Variants in VPS13B observed in about 807,000 individuals in gnomAD.
VPS13B encodes vacuolar protein sorting 13 homolog B.
In VPS13B, 285 loss-of-function variants were observed where a neutral mutation model predicts 426.4. The ratio of observed to expected loss-of-function variants is 0.67; its 90% CI spans 0.61 to 0.74. The LOEUF is 0.74. VPS13B is among the 30% of genes least tolerant of loss of function. VPS13B has a pLI of 0.00. For missense variants in VPS13B, 4,537 were observed against 4,782.6 expected (o/e 0.95, Z 1.51); for synonymous variants, 1,676 against 1,676.4 (o/e 1.00, Z 0.01).
At chr8:99,786,786 A>G (rs754833373) in intron 43 of VPS13B, among the ~76,000 whole-genome samples, 13 of 152,176 alleles carry the variant, frequency 8.5e-5, no homozygotes, top group South Asian at 2.1e-4. Context: ...TCTTCTTACT[A>G]TATTTCTGTA....
At chr8:99,490,360 C>A (rs1187647938) in intron 25 of VPS13B, among the ~76,000 whole-genome samples, 1 of 152,078 alleles carries the variant, frequency 6.6e-6, no homozygotes, top group African/African-American at 2.4e-5. Flanking sequence ...GTCTAAAATT[C>A]TCTTTCTTTG....
At chr8:99,335,367 T>C (rs4338069) in intron 19 of VPS13B, among the ~76,000 whole-genome samples, 108,729 of 151,812 alleles carry the variant, frequency 0.72, 39,961 homozygotes, top group South Asian at 0.87. Flanking sequence ...TCAGTTCTGC[T>C]CTGATTTTAG....
intron 19 of VPS13B, among the ~76,000 whole-genome samples, chr8:99,293,518 C>T (rs1303588096): frequency 8.7e-6 from 1 of 114,756 alleles, no homozygotes; most frequent in African/African-American, 3.4e-5. Context: ...AAAGCAATGG[C>T]AACAAAAGCC....
chr8:99,681,491 G>A (rs754107116), intron 35 of VPS13B, among the ~76,000 whole-genome samples: 1 of 152,188 alleles, frequency 6.6e-6, no homozygotes, highest in Non-Finnish European at 1.5e-5. Flanking sequence ...TGTATGCCCT[G>A]TATGGAAACA....
At chr8:99,129,903 C>G (rs1809686622) in intron 8 of VPS13B, among the ~76,000 whole-genome samples, 1 of 152,098 alleles carries the variant, frequency 6.6e-6, no homozygotes, top group African/African-American at 2.4e-5. Context: ...GTAGTCCTAA[C>G]TACTCCGGAA....
intron 32 of VPS13B, 109 bp from the exon 33 acceptor site, chr8:99,577,381 G>A: frequency 6.8e-7 from 1 of 1,477,396 alleles, no homozygotes. Flanking sequence ...ATGAACTTGA[G>A]TCCTAGGAAA....
chr8:99,790,094 G>A (rs76208741), intron 43 of VPS13B, among the ~76,000 whole-genome samples: 1 of 152,020 alleles, frequency 6.6e-6, no homozygotes, highest in Non-Finnish European at 1.5e-5. Flanking sequence ...TATATCAAGA[G>A]TGATTATCTT....
At chr8:99,500,015 G>A (rs1200022580) in intron 25 of VPS13B, among the ~76,000 whole-genome samples, 1 of 152,102 alleles carries the variant, frequency 6.6e-6, no homozygotes, top group African/African-American at 2.4e-5. Flanking sequence ...GAATATACCT[G>A]TGTTTAGATG....
chr8:99,084,708 T>C (rs911134560), intron 3 of VPS13B, among the ~76,000 whole-genome samples: 7 of 152,240 alleles, frequency 4.6e-5, no homozygotes, highest in Admixed American at 3.9e-4. Flanking sequence ...CATTTTGTTA[T>C]GTAGCCAGTA....
Position 99,661,398 on chromosome 8 carries a change from T to C in VPS13B, c.5953T>C (p.Trp1985Arg). 6.2e-7 allele frequency: 1 copy of C among 1,613,826 alleles called. No homozygotes were observed. The highest frequency in any genetic ancestry group is 8.5e-7 in the Non-Finnish European group (1 of 1,179,846). Reference sequence around the variant, plus strand: ...TGAAGCCCTTGATTATTGCACTGTTTGGCTACAGACAGTGCCTGGAGAAAT... The same window carrying C: ...TGAAGCCCTTGATTATTGCACTGTTCGGCTACAGACAGTGCCTGGAGAAAT... ...LPEALDYCTV[W>R]LQTVPGEIDS... The change falls in exon 35 of 62, where the codon TGG (tryptophan) becomes CGG (arginine). Residue 1985 changes from tryptophan to arginine, a missense_variant. Transcript: ENST00000357162.
chr8:99,399,428 G>T (rs1814915769), intron 21 of VPS13B, among the ~76,000 whole-genome samples: 1 of 152,070 alleles, frequency 6.6e-6, no homozygotes, highest in Admixed American at 6.6e-5. Context: ...TTCAACAGAT[G>T]CTAGATGATT....
At chr8:99,401,410 G>A (rs778915455) in intron 21 of VPS13B, among the ~76,000 whole-genome samples, 1 of 152,138 alleles carries the variant, frequency 6.6e-6, no homozygotes, top group Non-Finnish European at 1.5e-5. Flanking sequence ...ATGGTAAATT[G>A]TAATATGCCA....
chr8:99,303,194 C>T (rs952016791), intron 19 of VPS13B, among the ~76,000 whole-genome samples: 2 of 128,544 alleles, frequency 1.6e-5, no homozygotes, highest in Non-Finnish European at 3.1e-5. Context: ...GCAGGAGAAT[C>T]GCTTGAACCT....
chr8:99,755,586 A>G (rs1810600846), intron 39 of VPS13B, among the ~76,000 whole-genome samples: 2 of 152,120 alleles, frequency 1.3e-5, no homozygotes, highest in African/African-American at 2.4e-5. Context: ...CCTGGCCAAC[A>G]TGGTGAAACC....
At chr8:99,188,292 T>C (rs1266456886) in intron 16 of VPS13B, among the ~76,000 whole-genome samples, 1 of 152,140 alleles carries the variant, frequency 6.6e-6, no homozygotes, top group Non-Finnish European at 1.5e-5. Context: ...AAATTCTGTC[T>C]CTATGAGTCT....
chr8:99,812,966 T>C (rs1458806044), intron 44 of VPS13B, among the ~76,000 whole-genome samples: 1 of 152,202 alleles, frequency 6.6e-6, no homozygotes, highest in Non-Finnish European at 1.5e-5. Flanking sequence ...TGGAAATGTG[T>C]ATTAAAGAGA....
chr8:99,574,026 A>G (rs1825628850), intron 31 of VPS13B, among the ~76,000 whole-genome samples: 3 of 151,878 alleles, frequency 2.0e-5, no homozygotes, highest in Admixed American at 2.0e-4. Context: ...ATCCCTTGTA[A>G]GTTGTATTCC....
chr8:99,843,349 C>T (rs762872506), intron 54 of VPS13B, among the ~76,000 whole-genome samples: 1 of 152,004 alleles, frequency 6.6e-6, no homozygotes, highest in Non-Finnish European at 1.5e-5. Context: ...TCTGTGATAA[C>T]AAACAGCTGA....
rs191918880 is a variant in VPS13B, at chr8:99,364,629, C to T, written c.2825-19579C>T. 6.9e-3 allele frequency among the ~76,000 whole-genome samples: 1,049 copies of T among 152,140 alleles called. 8 individuals are homozygous for T. The highest frequency in any genetic ancestry group is 0.022 in the African/African-American group (912 of 41,502). ...TGTATTTTTAGTAGAGACAGGGTTTCGCCATATTGCCCAGGCTGGTCTTGA... is the reference window on the plus strand; with the variant it reads ...TGTATTTTTAGTAGAGACAGGGTTTTGCCATATTGCCCAGGCTGGTCTTGA... On this transcript the variant is annotated intron_variant, in intron 19 of 61. Transcript: ENST00000357162.
Sources: gnomAD v4.1 joint callset for allele counts (sites outside exome capture counted in the v4.1 genomes callset) on GRCh38, gnomAD v4.1.1 for gene constraint, MANE v1.5 for transcripts, NCBI Gene and HGNC (gene_info 2026-07-23, HGNC 2026-07-21) for gene names.